Variants in AHNAK2 observed in about 807,000 individuals in gnomAD.
The protein encoded by AHNAK2 is AHNAK nucleoprotein 2.
Under a neutral mutation model 30.7 loss-of-function variants are expected in AHNAK2, and 18 were observed. The observed-to-expected ratio is 0.59, with a 90% CI of 0.41 to 0.87. AHNAK2 has a LOEUF of 0.87. AHNAK2 is among the 40% of genes least tolerant of loss of function. The pLI is 0.00. For missense variants in AHNAK2, 8,604 were observed against 7,373.0 expected (o/e 1.17, Z -6.11); for synonymous variants, 3,590 against 3,073.8 (o/e 1.17, Z -5.56).
rs777155301 is a variant in AHNAK2 at position 104,937,973 on chromosome 14, G to C, written c.*90C>G. 8.1e-6 allele frequency: 11 copies of C among 1,350,620 alleles called. No homozygotes were observed. The highest frequency in any genetic ancestry group is 4.3e-5 in the Admixed American group (2 of 46,306). The allele number at this position is 1,350,620 out of a possible 1,614,324, so 83.7% of individuals were successfully genotyped here. On this transcript the variant is annotated 3_prime_UTR_variant, in exon 7 of 7. Coordinates refer to ENST00000333244, the MANE Select transcript of AHNAK2 (RefSeq NM_138420.4). ...CTGTGAAGTGAGGTGGATGTAATGT[G>C]CTGTGGGATGGGGTGCTCCATATGT...
Position 104,944,575 on chromosome 14 carries a change from G to A in AHNAK2, c.10876C>T (p.Leu3626=), listed in dbSNP as rs1446462156. The A allele has an allele frequency of 1.2e-6, 2 of 1,613,290 alleles. No homozygotes were observed. Among genetic ancestry groups the A allele is most frequent in the Admixed American group, 1.7e-5 (1 of 59,968 alleles). The part of the protein sequence containing the change: ...DAGRLEGDLS[L]ADKDVTAKDS... ...TTGGCAGTCACGTCCTTGTCAGCCAGGGACAGGTCTCCCTCCAGCCGCCCA... is the reference window on the plus strand; with the variant it reads ...TTGGCAGTCACGTCCTTGTCAGCCAAGGACAGGTCTCCCTCCAGCCGCCCA... The change falls in exon 7 of 7, where the codon CTG becomes TTG. Residue 3626 remains leucine, a synonymous_variant. Coordinates refer to ENST00000333244, the MANE Select transcript of AHNAK2 (RefSeq NM_138420.4).
intron 1 of AHNAK2, among the ~76,000 whole-genome samples, chr14:104,971,024 C>T (rs1472375879): frequency 1.3e-5 from 2 of 152,168 alleles, no homozygotes; most frequent in African/African-American, 4.8e-5. Flanking sequence ...GGCAGCCGAC[C>T]CTGGCCTCCC....
intron 1 of AHNAK2, among the ~76,000 whole-genome samples, chr14:104,975,634 CCCT>C (rs1220045400): frequency 6.6e-6 from 1 of 152,212 alleles, no homozygotes; most frequent in Non-Finnish European, 1.5e-5. Flanking sequence ...CTGCTCTGGC[CCCT>C]AAGAGCCCAG....
intron 1 of AHNAK2, among the ~76,000 whole-genome samples, chr14:104,967,551 G>A (rs1159533113): frequency 6.6e-6 from 1 of 152,182 alleles, no homozygotes; most frequent in Non-Finnish European, 1.5e-5. Flanking sequence ...GCTGGCCCTC[G>A]TGCCTGGTCC....
Position 104,952,454 on chromosome 14 carries a change from T to G in AHNAK2, c.2997A>C (p.Lys999Asn). ...KDVTAKDSKF[K>N]MPKFKMPSFG... The stretch of plus-strand genomic sequence containing the variant: ...ACGACGGCATCTTGAACTTGGGCAT[T>G]TTGAACTTGCTGTCTTTGGCAGTCA... Residue 999 changes from lysine (K) to asparagine (N), a missense_variant, in exon 7 of 7, where the codon AAA becomes AAC. Transcript: ENST00000333244. The G allele has an allele frequency of 6.2e-7, 1 of 1,612,402 alleles. No homozygotes were observed. The highest frequency in any genetic ancestry group is 8.5e-7 in the Non-Finnish European group (1 of 1,179,518).
In AHNAK2 at chr14:104,937,886, T is replaced by C. The variant is rs1897852151; in HGVS notation, c.*177A>G. The C allele has an allele frequency of 3.2e-6, 2 of 633,620 alleles. No homozygotes were observed. The highest frequency in any genetic ancestry group is 4.9e-6 in the Non-Finnish European group (2 of 405,872). 39.2% of individuals were successfully genotyped at this position (633,620 alleles called of 1,614,324 possible). On this transcript the variant is annotated 3_prime_UTR_variant, in exon 7 of 7. Coordinates refer to ENST00000333244, the MANE Select transcript of AHNAK2 (RefSeq NM_138420.4). ...AGGGAGCTGGGAAGCTTTGGTTCCA[T>C]TTTAGGAGGGCTGTGTGATGGTGAC... is the stretch of plus-strand genomic sequence containing the variant.
Position 104,957,403 on chromosome 14 carries a change from G to A in AHNAK2, c.213+7C>T. ...GGTGCCTGTGGGGCTCTGCCCAGCA[G>A]GCTCACCTGGAGTCCAAAGTCGGCA... is the stretch of plus-strand genomic sequence containing the variant. On this transcript the variant is annotated splice_region_variant and intron_variant, in intron 3 of 6. Transcript: ENST00000333244. The A allele has an allele frequency of 6.3e-7, 1 of 1,579,664 alleles. No individual in the cohort carries two copies. Among genetic ancestry groups the A allele is most frequent in the South Asian group, 1.1e-5 (1 of 88,588 alleles).
rs1436295725 is a variant in AHNAK2, at chr14:104,943,012, C to A, written c.12439G>T (p.Ala4147Ser). ...KFKMPSFGVS[A>S]PGKSMEASVD... The stretch of plus-strand genomic sequence containing the variant: ...GACGCCTCCATGGACTTGCCTGGGG[C>A]CGACACCCCGAATGATGGCATCTTG... Residue 4147 changes from alanine (A) to serine (S), a missense_variant, in exon 7 of 7, where the codon GCC becomes TCC. Transcript: ENST00000333244. 5.0e-6 allele frequency: 8 copies of A among 1,613,122 alleles called. No homozygotes were observed. Among genetic ancestry groups the A allele is most frequent in the South Asian group, 2.2e-5 (2 of 91,050 alleles).
chr14:104,950,288 T>C lies in AHNAK2; in HGVS notation c.5163A>G (p.Gln1721=), dbSNP rs375846779. 4.0e-5 allele frequency: 63 copies of C among 1,584,590 alleles called. 9 individuals are homozygous for C. Among genetic ancestry groups the C allele is most frequent in the Admixed American group, 2.4e-4 (14 of 57,174 alleles). ...PSADLEVQAG[Q]VNVKLPEGPL... Reference sequence around the variant, plus strand: ...GGCCCTCCGGGAGTTTCACGTTCACTTGGCCAGCCTGGACCTCCAGGTCGG... The same window carrying C: ...GGCCCTCCGGGAGTTTCACGTTCACCTGGCCAGCCTGGACCTCCAGGTCGG... The change falls in exon 7 of 7, where the codon CAA becomes CAG. Residue 1721 remains glutamine (Q), a synonymous_variant. Transcript: ENST00000333244.
rs112699389 is a variant in AHNAK2 at position 104,949,270 on chromosome 14, C to T, written c.6181G>A (p.Val2061Met). The change falls in exon 7 of 7, where the codon GTG becomes ATG. Residue 2061 changes from valine to methionine, a missense_variant. Transcript: ENST00000333244. ...QVDVKLPEGHVPEGAGLKGHL... is the reference protein window; with the variant it reads ...QVDVKLPEGHMPEGAGLKGHL... Reference sequence around the variant, plus strand: ...CCTTTGAGGCCAGCTCCCTCGGGCACGTGGCCCTCCGGGAGCTTCACATCC... The same window carrying T: ...CCTTTGAGGCCAGCTCCCTCGGGCATGTGGCCCTCCGGGAGCTTCACATCC... 3,372 of 1,058,608 alleles carry T rather than the reference C, an allele frequency of 3.2e-3. 608 individuals carry two copies. The East Asian group carries it at 0.049, about 15-fold the overall frequency. The allele number at this position is 1,058,608 out of a possible 1,614,324, so 65.6% of individuals were successfully genotyped here.
Position 104,978,321 on chromosome 14 carries a change from G to T in AHNAK2, c.-84C>A. The T allele has an allele frequency of 1.8e-5, 3 of 166,376 alleles. No homozygotes were observed. The highest frequency in any genetic ancestry group is 2.5e-5 in the Non-Finnish European group (2 of 80,082). The allele number at this position is 166,376 out of a possible 1,614,324, so 10.3% of individuals were successfully genotyped here. A position where few individuals can be genotyped will look rare whatever the true frequency, so the allele number is the denominator to read the frequency against. On this transcript the variant is annotated 5_prime_UTR_variant, in exon 1 of 7. Coordinates refer to ENST00000333244, the MANE Select transcript of AHNAK2 (RefSeq NM_138420.4). ...TCCGGCGCACGGGGCGGGCGGGCGG[G>T]AGCCGCGCTCTGCCCCGCTGCCCTG...
chr14:104,940,401 G>T lies in AHNAK2; in HGVS notation c.15050C>A (p.Thr5017Lys). 6.2e-7 allele frequency: 1 copy of T among 1,613,904 alleles called. No homozygotes were observed. Among genetic ancestry groups the T allele is most frequent in the Non-Finnish European group, 8.5e-7 (1 of 1,179,890 alleles). Residue 5017 changes from threonine (T) to lysine (K), a missense_variant, in exon 7 of 7, where the codon ACA (threonine) becomes AAA (lysine). Transcript: ENST00000333244. This position sits in a 1 kb window ranked among gnomAD's most constrained non-coding sequence, Gnocchi z 4.4. ...TTTTGGCATGGCAAAGCCAGGCTTT[G>T]TGCTCCTCCCCTTCTCTCCATCCCT... Reference protein sequence around the residue: ...PERDGEKGRSTKPGFAMPKLA... With the variant: ...PERDGEKGRSKKPGFAMPKLA...
intron 1 of AHNAK2, among the ~76,000 whole-genome samples, chr14:104,974,913 T>C (rs1185925745): frequency 2.0e-5 from 3 of 152,166 alleles, no homozygotes; most frequent in African/African-American, 7.2e-5. Context: ...GCACCTATAC[T>C]TCTCCACACC....
In AHNAK2 at chr14:104,942,343, G is replaced by A; in HGVS notation, c.13108C>T (p.Pro4370Ser). 2 of 1,613,004 alleles carry A rather than the reference G, an allele frequency of 1.2e-6. No homozygotes were observed. The highest frequency in any genetic ancestry group is 1.7e-6 in the Non-Finnish European group (2 of 1,179,732). ...TTGAGGCCGGCTCCCTCATGCACAG[G>A]GCCCTCTGGGAGTTTCACATCCTCT... is the stretch of plus-strand genomic sequence containing the variant. ...GQEDVKLPEG[P>S]VHEGAGLKGH... is the part of the protein sequence containing the mutation. The change falls in exon 7 of 7, where the codon CCT becomes TCT. Residue 4370 changes from proline (P) to serine (S), a missense_variant. Pro to Ser is a moderately conservative substitution (Grantham distance 74). Transcript: ENST00000333244.
chr14:104,944,363 C>A lies in AHNAK2; in HGVS notation c.11088G>T (p.Lys3696Asn), dbSNP rs187174071. ...LSIQPPSADLKVQAGQMDVKL... is the reference protein window; with the variant it reads ...LSIQPPSADLNVQAGQMDVKL... ...TCACATCCATCTGGCCAGCCTGGACCTTCAGGTCGGCAGAAGGGGGCTGAA... is the reference window on the plus strand; with the variant it reads ...TCACATCCATCTGGCCAGCCTGGACATTCAGGTCGGCAGAAGGGGGCTGAA... The change falls in exon 7 of 7, where the codon AAG becomes AAT. Residue 3696 changes from lysine (K) to asparagine (N), a missense_variant. Transcript: ENST00000333244. 4 of 1,612,764 alleles carry A rather than the reference C, an allele frequency of 2.5e-6. No homozygotes were observed. The highest frequency in any genetic ancestry group is 3.4e-6 in the Non-Finnish European group (4 of 1,179,494).
At position 104,954,614 on chromosome 14, in the gene AHNAK2, G is replaced by A. The variant is rs1484894907; in HGVS notation, c.837C>T (p.His279=). The A allele has an allele frequency of 1.2e-6, 2 of 1,612,168 alleles. No individual in the cohort carries two copies. Among genetic ancestry groups the A allele is most frequent in the Non-Finnish European group, 1.7e-6 (2 of 1,179,500 alleles). Reference sequence around the variant, plus strand: ...TAGGTTCGTAGGCCTCTGACGAGCTGTGTGACCTCTGGGGTCCCGGCCCCC... The same window carrying A: ...TAGGTTCGTAGGCCTCTGACGAGCTATGTGACCTCTGGGGTCCCGGCCCCC... The part of the protein sequence containing the change: ...SKRGPGPQRS[H]SSSEAYEPRD... The change falls in exon 7 of 7, where the codon CAC becomes CAT. Residue 279 remains histidine, a synonymous_variant. Coordinates refer to ENST00000333244, the MANE Select transcript of AHNAK2 (RefSeq NM_138420.4). This position sits in a 1 kb window ranked among gnomAD's most constrained non-coding sequence, Gnocchi z 4.3.
At position 104,941,407 on chromosome 14, in the gene AHNAK2, G is replaced by A. The variant is rs761606359; in HGVS notation, c.14044C>T (p.Arg4682Cys). Residue 4682 changes from arginine (R) to cysteine (C), a missense_variant, in exon 7 of 7, where the codon CGC (arginine) becomes TGC (cysteine). Arg to Cys is a radical substitution (Grantham distance 180). Coordinates refer to ENST00000333244, the MANE Select transcript of AHNAK2 (RefSeq NM_138420.4). The stretch of plus-strand genomic sequence containing the variant: ...ACAGCAAGCCCCAAGTTACCATCGC[G>A]AGATGGATCATGAAGATCACCTTCA... ...VHEGDLHDPSRDGNLGLAVGE... is the reference protein window; with the variant it reads ...VHEGDLHDPSCDGNLGLAVGE... The A allele has an allele frequency of 6.6e-5, 106 of 1,613,180 alleles. No individual in the cohort carries two copies. The highest frequency in any genetic ancestry group is 1.2e-4 in the Admixed American group (7 of 60,016).
intron 1 of AHNAK2, among the ~76,000 whole-genome samples, chr14:104,961,521 A>G (rs905724170): frequency 6.6e-6 from 1 of 151,958 alleles, no homozygotes; most frequent in Non-Finnish European, 1.5e-5. Context: ...TTAAAAAAAA[A>G]AAAAAAGTTG....
intron 1 of AHNAK2, among the ~76,000 whole-genome samples, chr14:104,961,374 C>A (rs921817058): frequency 6.6e-6 from 1 of 151,812 alleles, no homozygotes; most frequent in Non-Finnish European, 1.5e-5. Flanking sequence ...AATAGCCGGG[C>A]GAGGTGGCGG....
Sources: gnomAD v4.1 joint callset for allele counts (sites outside exome capture counted in the v4.1 genomes callset) on GRCh38, gnomAD v4.1.1 for gene constraint, Gnocchi (gnomAD v3.1) non-coding constraint, MANE v1.5 for transcripts, NCBI Gene and HGNC (gene_info 2026-07-23, HGNC 2026-07-21) for gene names.